GRIN2B: variants seen among roughly 807,000 people sequenced by gnomAD.
The protein encoded by GRIN2B is glutamate receptor ionotropic, NMDA 2B.
In GRIN2B, 5 loss-of-function variants were observed where a neutral mutation model predicts 114.5. The observed-to-expected ratio is 0.04, with a 90% confidence interval of 0.02 to 0.09. GRIN2B has a LOEUF of 0.09. GRIN2B is among the 10% of genes least tolerant of loss of function. GRIN2B has a pLI of 1.00. For synonymous variants in GRIN2B, 787 were observed against 745.1 expected, an observed-to-expected ratio of 1.06 and a Z score of -0.92; for missense variants, 1,108 against 1,943.5, an observed-to-expected ratio of 0.57 and a Z score of 8.08.
At chr12:13,851,093 C>G (rs1386803879) in intron 3 of GRIN2B, among the ~76,000 whole-genome samples, 1 of 152,122 alleles carries the variant, frequency 6.6e-6, no homozygotes, top group East Asian at 1.9e-4. Context: ...GCCCACCCCA[C>G]TCTCCTCCCA....
In GRIN2B at chr12:13,569,813, C is replaced by T. The variant is rs910824626; in HGVS notation, c.2359+17G>A. ...TCAGTAGAGGACAAATGGGCACTTT[C>T]CCTTTCTTGAACTCACCATCTCCAA... is the stretch of plus-strand genomic sequence containing the variant. On this transcript the variant is annotated intron_variant, in intron 12 of 13. Transcript: ENST00000609686. The T allele has an allele frequency of 5.2e-6, 8 of 1,544,482 alleles. No individual in the cohort carries two copies. Among genetic ancestry groups the T allele is most frequent in the Non-Finnish European group, 7.1e-6 (8 of 1,133,040 alleles).
At chr12:13,976,863 T>G (rs989877055) in intron 2 of GRIN2B, among the ~76,000 whole-genome samples, 6 of 152,140 alleles carry the variant, frequency 3.9e-5, no homozygotes, top group Non-Finnish European at 8.8e-5. Flanking sequence ...GGCCAAGGGA[T>G]GCATCAGCTC....
At chr12:13,960,476 G>T (rs1565601381) in intron 2 of GRIN2B, among the ~76,000 whole-genome samples, 2 of 152,024 alleles carry the variant, frequency 1.3e-5, no homozygotes, top group African/African-American at 2.4e-5. Flanking sequence ...CCTTTTTGTG[G>T]CAAGAGGATT....
At chr12:13,774,528 G>A (rs1863966821) in intron 3 of GRIN2B, among the ~76,000 whole-genome samples, 1 of 152,180 alleles carries the variant, frequency 6.6e-6, no homozygotes, top group Non-Finnish European at 1.5e-5. Flanking sequence ...TTGAGGACAG[G>A]GTTATAGCAG....
At chr12:13,621,138 T>C (rs1427723167) in intron 5 of GRIN2B, among the ~76,000 whole-genome samples, 1 of 152,176 alleles carries the variant, frequency 6.6e-6, no homozygotes, top group Non-Finnish European at 1.5e-5. Context: ...TCAAGCAATC[T>C]TTCTCTCAAG....
chr12:13,647,116 C>T (rs1949768707), intron 5 of GRIN2B, among the ~76,000 whole-genome samples: 1 of 152,088 alleles, frequency 6.6e-6, no homozygotes, highest in Non-Finnish European at 1.5e-5. Context: ...TTGGTTGCAT[C>T]TTTTGAGACC....
chr12:13,800,619 A>G (rs1864492156), intron 3 of GRIN2B, among the ~76,000 whole-genome samples: 2 of 152,186 alleles, frequency 1.3e-5, no homozygotes, highest in African/African-American at 4.8e-5. Context: ...ACTCACAAGC[A>G]CAGAAATTAT....
chr12:13,731,884 C>T (rs760245709), intron 4 of GRIN2B, among the ~76,000 whole-genome samples: 9 of 152,086 alleles, frequency 5.9e-5, no homozygotes, highest in Non-Finnish European at 1.3e-4. Context: ...TTTATCATAA[C>T]CATTTCATCA....
At chr12:13,574,610 C>A (rs1179469354) in intron 10 of GRIN2B, among the ~76,000 whole-genome samples, 1 of 152,094 alleles carries the variant, frequency 6.6e-6, no homozygotes, top group Non-Finnish European at 1.5e-5. Context: ...GAATCCAGTG[C>A]CCAGAGGGCC....
chr12:13,968,504 G>C (rs146593302), intron 2 of GRIN2B, among the ~76,000 whole-genome samples: 4 of 152,066 alleles, frequency 2.6e-5, no homozygotes, highest in Non-Finnish European at 5.9e-5. Flanking sequence ...GGCCAAGATG[G>C]GATCTGCTCA....
At chr12:13,844,014 T>C (rs1409269656) in intron 3 of GRIN2B, among the ~76,000 whole-genome samples, 1 of 152,158 alleles carries the variant, frequency 6.6e-6, no homozygotes, top group Non-Finnish European at 1.5e-5. Context: ...TCAGTGAGAG[T>C]CCCTTGCCAG....
At position 13,870,949 on chromosome 12, in the gene GRIN2B, G is replaced by T. The variant is rs144646257; in HGVS notation, c.-18-4723C>A. 1.6e-4 allele frequency among the ~76,000 whole-genome samples: 24 copies of T among 152,146 alleles called. No homozygotes were observed. The East Asian group carries it at 4.6e-3, about 29-fold the overall frequency. Reference sequence around the variant, plus strand: ...GTATCTATCGAAATTTTAATATCAAGACAAAATAAAATTCAAAGGCAAAAA... The same window carrying T: ...GTATCTATCGAAATTTTAATATCAATACAAAATAAAATTCAAAGGCAAAAA... On this transcript the variant is annotated intron_variant, in intron 2 of 13. Coordinates refer to ENST00000609686, the MANE Select transcript of GRIN2B (RefSeq NM_000834.5).
intron 5 of GRIN2B, among the ~76,000 whole-genome samples, chr12:13,618,825 G>A (rs980933850): frequency 1.3e-5 from 2 of 152,120 alleles, no homozygotes; most frequent in East Asian, 1.9e-4. Flanking sequence ...ACTTTGCAAC[G>A]AACTAGCTGC....
intron 3 of GRIN2B, among the ~76,000 whole-genome samples, chr12:13,801,509 C>G (rs1864512310): frequency 6.6e-6 from 1 of 152,052 alleles, no homozygotes; most frequent in Admixed American, 6.6e-5. Context: ...TTGTACTGTC[C>G]CAGTGGGGCC....
At chr12:13,794,220 A>AAAAG (rs1864374512) in intron 3 of GRIN2B, among the ~76,000 whole-genome samples, 1 of 148,304 alleles carries the variant, frequency 6.7e-6, no homozygotes. Context: ...AAAAAAAAAA[A>AAAAG]AAAGAAAAAG....
intron 3 of GRIN2B, among the ~76,000 whole-genome samples, chr12:13,775,982 T>C (rs1032998702): frequency 1.3e-5 from 2 of 152,196 alleles, no homozygotes; most frequent in African/African-American, 4.8e-5. Context: ...TACACGTATG[T>C]TCACTGCAGC....
At chr12:13,863,330 T>C (rs1865777712) in intron 3 of GRIN2B, among the ~76,000 whole-genome samples, 1 of 152,144 alleles carries the variant, frequency 6.6e-6, no homozygotes, top group Non-Finnish European at 1.5e-5. Context: ...ATAGATCACT[T>C]TCAGTCAGAT....
intron 10 of GRIN2B, among the ~76,000 whole-genome samples, chr12:13,580,801 C>T (rs1441706300): frequency 1.3e-5 from 2 of 152,208 alleles, no homozygotes; most frequent in African/African-American, 2.4e-5. Context: ...TTCCATTTCT[C>T]AAAAAGCTCC....
At chr12:13,852,401 A>G (rs1435874069) in intron 3 of GRIN2B, among the ~76,000 whole-genome samples, 2 of 152,242 alleles carry the variant, frequency 1.3e-5, no homozygotes, top group African/African-American at 4.8e-5. Context: ...AAAGCCAATT[A>G]TAATGTATCT....
Sources: allele counts gnomAD v4.1 joint callset (sites outside exome capture counted in the v4.1 genomes callset), GRCh38; gene constraint gnomAD v4.1.1; transcripts MANE v1.5; gene names NCBI Gene and HGNC (gene_info 2026-07-23, HGNC 2026-07-21).